Variants in DIS3L2 observed in about 807,000 individuals in gnomAD.
DIS3L2 encodes DIS3-like exonuclease 2.
DIS3L2 carries 34 observed loss-of-function variants against 97.5 expected under a neutral mutation model. The ratio of observed to expected loss-of-function variants is 0.35; its 90% CI spans 0.27 to 0.46. DIS3L2 has a LOEUF of 0.46. Among genes scored for constraint, DIS3L2 ranks in the 20% least tolerant of loss-of-function variants. The probability of loss-of-function intolerance (pLI) is 1.00; values close to 1 mark genes in which losing one functional copy is unlikely to be tolerated. For missense variants in DIS3L2, 1,038 were observed against 1,146.0 expected (o/e 0.91, Z 1.36); for synonymous variants, 435 against 445.2 (o/e 0.98, Z 0.29).
chr2:232,141,334 T>G (rs765713897), intron 8 of DIS3L2, among the ~76,000 whole-genome samples: 3 of 152,184 alleles, frequency 2.0e-5, no homozygotes, highest in Non-Finnish European at 4.4e-5. Flanking sequence ...GGAAACGTTT[T>G]ACAGCAGCTA....
Position 232,336,805 on chromosome 2 carries a change from G to A in DIS3L2, c.*175G>A. The A allele has an allele frequency of 1.4e-6, 2 of 1,429,912 alleles. No homozygotes were observed. Among genetic ancestry groups the A allele is most frequent in the African/African-American group, 1.4e-5 (1 of 69,448 alleles). The allele number at this position is 1,429,912 out of a possible 1,614,324, so 88.6% of individuals were successfully genotyped here. On this transcript the variant is annotated 3_prime_UTR_variant, in exon 21 of 21. Coordinates refer to ENST00000325385, the MANE Select transcript of DIS3L2 (RefSeq NM_152383.5). ...TTAAACAAACTGCAGGGGAGAGGGT[G>A]GGGCTGGAAGGAAGGCTGAGGCCTG...
rs903887375 is a variant in DIS3L2 at position 232,292,405 on chromosome 2, A to G, written c.1660-7635A>G. Among the ~76,000 whole-genome samples, 3 of 152,002 alleles carry G rather than the reference A, an allele frequency of 2.0e-5. No homozygotes were observed. The highest frequency in any genetic ancestry group is 2.9e-5 in the Non-Finnish European group (2 of 67,992). On this transcript the variant is annotated intron_variant, in intron 13 of 20. Transcript: ENST00000325385. The surrounding 1 kb of genome is among the most constrained non-coding windows in gnomAD (Gnocchi z 4.4). ...CTGGGAGGGTCGCCTTGCTGTCTCCATTGTCATCCTACCCAGAAAGCTCAG... is the reference window on the plus strand; with the variant it reads ...CTGGGAGGGTCGCCTTGCTGTCTCCGTTGTCATCCTACCCAGAAAGCTCAG...
intron 5 of DIS3L2, among the ~76,000 whole-genome samples, chr2:232,043,449 C>T (rs1695160149): frequency 1.3e-5 from 2 of 152,204 alleles, no homozygotes; most frequent in South Asian, 2.1e-4. Flanking sequence ...ATCTGGTAAA[C>T]TGTGCTAATG....
intron 14 of DIS3L2, among the ~76,000 whole-genome samples, chr2:232,314,519 C>A (rs1307641882): frequency 6.6e-6 from 1 of 152,078 alleles, no homozygotes; most frequent in Admixed American, 6.5e-5. Flanking sequence ...CCTTTTGCAG[C>A]CCAAATACCC....
chr2:232,214,676 C>T (rs945174868), intron 10 of DIS3L2, among the ~76,000 whole-genome samples: 2 of 152,330 alleles, frequency 1.3e-5, no homozygotes, highest in Admixed American at 6.5e-5. Context: ...AGGGCCTACT[C>T]TCTCCTTGCC....
chr2:232,004,134 A>G (rs1693983608), intron 1 of DIS3L2, among the ~76,000 whole-genome samples: 2 of 151,810 alleles, frequency 1.3e-5, no homozygotes, highest in African/African-American at 2.4e-5. Context: ...GTGCAGTGGC[A>G]TGATCTTGGC....
chr2:232,016,896 T>G (rs1336300108), intron 3 of DIS3L2, among the ~76,000 whole-genome samples: 1 of 149,684 alleles, frequency 6.7e-6, no homozygotes, highest in East Asian at 2.0e-4. Context: ...TCTTCCTTTT[T>G]GTCCCCTCCC....
intron 14 of DIS3L2, among the ~76,000 whole-genome samples, chr2:232,321,200 G>A (rs1179652106): frequency 6.6e-6 from 1 of 152,172 alleles, no homozygotes; most frequent in Non-Finnish European, 1.5e-5. Context: ...CGGGGGGCCA[G>A]GGAGTGTGAC....
At chr2:232,062,800 G>A (rs906283562) in intron 5 of DIS3L2, among the ~76,000 whole-genome samples, 3 of 151,490 alleles carry the variant, frequency 2.0e-5, no homozygotes, top group African/African-American at 4.9e-5. Flanking sequence ...GCCTGCCTGC[G>A]TGCCTGCCTT....
intron 5 of DIS3L2, among the ~76,000 whole-genome samples, chr2:232,081,287 T>TCCATTATAAAACTCTGGTCCAC (rs1362724934): frequency 2.6e-5 from 4 of 152,146 alleles, no homozygotes; most frequent in Non-Finnish European, 1.5e-5. Context: ...CTCTGGTCCA[T>TCCATTATAAAACTCTGGTCCAC]CCATTATAAA....
chr2:232,296,468 A>G (rs1694728206), intron 13 of DIS3L2, among the ~76,000 whole-genome samples: 3 of 152,226 alleles, frequency 2.0e-5, no homozygotes, highest in Non-Finnish European at 4.4e-5. Flanking sequence ...GTCCCCACTC[A>G]AATCTCACCT....
intron 6 of DIS3L2, among the ~76,000 whole-genome samples, chr2:232,119,737 C>G (rs1343768031): frequency 1.3e-5 from 2 of 152,152 alleles, no homozygotes; most frequent in Non-Finnish European, 2.9e-5. Context: ...TGAGAAGACC[C>G]TGTGAGGGAC....
chr2:232,121,524 A>G (rs1261917792), intron 6 of DIS3L2, among the ~76,000 whole-genome samples: 1 of 152,114 alleles, frequency 6.6e-6, no homozygotes, highest in Non-Finnish European at 1.5e-5. Flanking sequence ...GCCAGATCTA[A>G]TATCTGATAC....
chr2:232,330,151 C>A (rs1334945911), intron 15 of DIS3L2, among the ~76,000 whole-genome samples, 155 bp downstream of exon 15: 2 of 152,172 alleles, frequency 1.3e-5, no homozygotes, highest in Non-Finnish European at 2.9e-5. Context: ...GGAGAAAGGG[C>A]CCCTCTGAGT....
At chr2:231,997,797 GT>G (rs1176156802) in intron 1 of DIS3L2, among the ~76,000 whole-genome samples, 1 of 151,974 alleles carries the variant, frequency 6.6e-6, no homozygotes, top group African/African-American at 2.4e-5. Context: ...CCTCTATTGT[GT>G]TTTTTTGTTT....
At chr2:232,085,107 G>A (rs1696532993) in intron 5 of DIS3L2, among the ~76,000 whole-genome samples, 1 of 152,140 alleles carries the variant, frequency 6.6e-6, no homozygotes, top group Non-Finnish European at 1.5e-5. Flanking sequence ...ATATAAACAT[G>A]GTGAAACTGC....
chr2:232,273,011 C>T (rs1189521450), intron 13 of DIS3L2, among the ~76,000 whole-genome samples: 1 of 152,104 alleles, frequency 6.6e-6, no homozygotes, highest in Non-Finnish European at 1.5e-5. Context: ...GAAGAAAGTC[C>T]TACCCCCAGC....
chr2:232,050,205 C>A (rs551644665), intron 5 of DIS3L2, among the ~76,000 whole-genome samples: 1 of 152,278 alleles, frequency 6.6e-6, no homozygotes, highest in African/African-American at 2.4e-5. Context: ...TGTCCCAGTT[C>A]TGTTTCTTCT....
chr2:232,237,075 CTT>C (rs1195171753), intron 10 of DIS3L2, among the ~76,000 whole-genome samples: 1 of 152,090 alleles, frequency 6.6e-6, no homozygotes. Context: ...CATGTATACT[CTT>C]TTTTTGTAAT....
Sources: gnomAD v4.1 joint callset for allele counts (sites outside exome capture counted in the v4.1 genomes callset) on GRCh38, gnomAD v4.1.1 for gene constraint, Gnocchi (gnomAD v3.1) non-coding constraint, MANE v1.5 for transcripts, NCBI Gene and HGNC (gene_info 2026-07-23, HGNC 2026-07-21) for gene names.